Variants in PACSIN2 observed in about 807,000 individuals in gnomAD.
PACSIN2 encodes protein kinase C and casein kinase substrate in neurons protein 2.
PACSIN2 carries 25 observed loss-of-function variants against 63.8 expected under a neutral mutation model. The ratio of observed to expected loss-of-function variants is 0.39; its 90% CI spans 0.29 to 0.55. The LOEUF (loss-of-function observed/expected upper bound fraction) is 0.55. PACSIN2 is among the 20% of genes least tolerant of loss of function. The probability of loss-of-function intolerance (pLI) is 0.62; values close to 1 mark genes in which losing one functional copy is unlikely to be tolerated. For synonymous variants in PACSIN2, 255 were observed against 256.2 expected (o/e 1.00, Z 0.05); for missense variants, 518 against 646.9 (o/e 0.80, Z 2.16).
intron 1 of PACSIN2, among the ~76,000 whole-genome samples, chr22:42,928,509 C>T (rs889978326): frequency 1.3e-5 from 2 of 152,316 alleles, no homozygotes. Context: ...ACATAAGCCT[C>T]ATTTGTGAAA....
At chr22:42,965,596 A>G (rs1920946649) in intron 1 of PACSIN2, among the ~76,000 whole-genome samples, 1 of 152,226 alleles carries the variant, frequency 6.6e-6, no homozygotes, top group South Asian at 2.1e-4. Flanking sequence ...TCAAAAGATT[A>G]AAGTAAGTTC....
At chr22:43,002,980 T>C (rs889239612) in intron 1 of PACSIN2, among the ~76,000 whole-genome samples, 2 of 152,230 alleles carry the variant, frequency 1.3e-5, no homozygotes, top group African/African-American at 4.8e-5. Context: ...GCTCCAGATC[T>C]CTCCCATCTA....
chr22:42,912,273 A>G, intron 1 of PACSIN2, 116 bp from the exon 2 acceptor site: 1 of 533,284 alleles, frequency 1.9e-6, no homozygotes, highest in Non-Finnish European at 3.2e-6. Context: ...AGGGCGGTCT[A>G]TAATATTTCC....
chr22:42,970,270 T>C (rs1921155938), intron 1 of PACSIN2, among the ~76,000 whole-genome samples: 1 of 152,222 alleles, frequency 6.6e-6, no homozygotes, highest in African/African-American at 2.4e-5. Flanking sequence ...AGGTGCCTCC[T>C]GAGATGATGT....
chr22:42,957,657 C>A (rs1033839569), intron 1 of PACSIN2, among the ~76,000 whole-genome samples: 7 of 152,120 alleles, frequency 4.6e-5, no homozygotes, highest in African/African-American at 2.4e-5. Flanking sequence ...ATTTTAAAGT[C>A]TTTCATATTC....
intron 3 of PACSIN2, among the ~76,000 whole-genome samples, chr22:42,891,605 T>G (rs1260618514): frequency 6.6e-6 from 1 of 152,184 alleles, no homozygotes; most frequent in Non-Finnish European, 1.5e-5. Flanking sequence ...TTTCACCATG[T>G]TGGCCAGGCT....
intron 2 of PACSIN2, among the ~76,000 whole-genome samples, chr22:42,904,026 T>C (rs1319964549): frequency 6.6e-6 from 1 of 152,180 alleles, no homozygotes; most frequent in Non-Finnish European, 1.5e-5. Context: ...AATCTTTAAC[T>C]GAAATGTTCA....
At chr22:42,902,389 C>T (rs1212897594) in intron 2 of PACSIN2, among the ~76,000 whole-genome samples, 1 of 152,118 alleles carries the variant, frequency 6.6e-6, no homozygotes, top group Admixed American at 6.6e-5. Context: ...TGTCACATGC[C>T]AAAATGCATC....
chr22:42,909,908 G>A (rs531311981), intron 2 of PACSIN2, among the ~76,000 whole-genome samples: 14 of 152,244 alleles, frequency 9.2e-5, no homozygotes, highest in African/African-American at 2.9e-4. Context: ...TGTGCACACC[G>A]ACTCCCTCAG....
At chr22:42,951,184 G>A (rs1933674791) in intron 1 of PACSIN2, among the ~76,000 whole-genome samples, 1 of 152,094 alleles carries the variant, frequency 6.6e-6, no homozygotes, top group South Asian at 2.1e-4. Flanking sequence ...CTTTAGGTAA[G>A]CATGAAATCC....
intron 2 of PACSIN2, among the ~76,000 whole-genome samples, chr22:42,898,405 G>T (rs944996570): frequency 2.0e-5 from 3 of 151,960 alleles, no homozygotes; most frequent in Non-Finnish European, 4.4e-5. Context: ...ACGAGTAGCT[G>T]GGATTACAGA....
At chr22:42,926,861 T>C (rs1234796120) in intron 1 of PACSIN2, among the ~76,000 whole-genome samples, 6 of 151,510 alleles carry the variant, frequency 4.0e-5, no homozygotes, top group Admixed American at 3.9e-4. Flanking sequence ...AAAAAAATGC[T>C]TGGAGGAGGT....
intron 1 of PACSIN2, among the ~76,000 whole-genome samples, chr22:42,975,735 T>C (rs1449081495): frequency 6.6e-6 from 1 of 151,176 alleles, no homozygotes; most frequent in African/African-American, 2.4e-5. Flanking sequence ...CCACTAGGAG[T>C]TTCCCTGTGG....
intron 3 of PACSIN2, among the ~76,000 whole-genome samples, chr22:42,892,568 C>T (rs553837698): frequency 1.3e-5 from 2 of 152,316 alleles, no homozygotes; most frequent in African/African-American, 2.4e-5. Flanking sequence ...AACGAAATGA[C>T]GACACTGCCA....
intron 1 of PACSIN2, among the ~76,000 whole-genome samples, chr22:42,985,281 C>A (rs537937332): frequency 6.6e-6 from 1 of 152,212 alleles, no homozygotes; most frequent in Admixed American, 6.5e-5. Flanking sequence ...GAGCCGAGAT[C>A]TCATCACCGC....
At position 42,876,426 on chromosome 22, in the gene PACSIN2, G is replaced by C. The variant is rs998189246; in HGVS notation, c.1152-93C>G. On this transcript the variant is annotated intron_variant, in intron 9 of 10. Transcript: ENST00000263246. ...CAAGGGGAGGGCACTGGAGCCTTGG[G>C]GCTCAGGGCTGAGGGCTCCTTCCGA... 2.8e-6 allele frequency: 3 copies of C among 1,081,996 alleles called. No homozygotes were observed. In the African/African-American group the frequency reaches 4.7e-5, roughly 17 times the overall value. The allele number at this position is 1,081,996 out of a possible 1,614,324, so 67.0% of individuals were successfully genotyped here. A position where few individuals can be genotyped will look rare whatever the true frequency, so the allele number is the denominator to read the frequency against.
intron 1 of PACSIN2, 86 bp from the exon 2 acceptor site, chr22:42,912,243 C>G: frequency 1.7e-6 from 1 of 577,990 alleles, no homozygotes; most frequent in Non-Finnish European, 3.0e-6. Flanking sequence ...CTTCCCGTTT[C>G]TAATCACTGC....
chr22:42,960,568 AC>A (rs1315115058), intron 1 of PACSIN2, among the ~76,000 whole-genome samples: 1 of 152,260 alleles, frequency 6.6e-6, no homozygotes, highest in African/African-American at 2.4e-5. Context: ...GAAGAAAAAA[AC>A]AATAAAGCTT....
chr22:43,013,986 A>C (rs1924673955), intron 1 of PACSIN2, among the ~76,000 whole-genome samples: 1 of 152,118 alleles, frequency 6.6e-6, no homozygotes, highest in South Asian at 2.1e-4. Context: ...GTTATACGTC[A>C]AAGGCTGCAG....
Sources: gnomAD v4.1 joint callset for allele counts (sites outside exome capture counted in the v4.1 genomes callset) on GRCh38, gnomAD v4.1.1 for gene constraint, MANE v1.5 for transcripts, NCBI Gene and HGNC (gene_info 2026-07-23, HGNC 2026-07-21) for gene names.